Variants in MET observed in about 807,000 individuals in gnomAD.
MET encodes hepatocyte growth factor receptor.
Under a neutral mutation model 133.1 loss-of-function variants are expected in MET, and 48 were observed. That is an observed-to-expected ratio of 0.36 (90% CI 0.29 to 0.46). The LOEUF (loss-of-function observed/expected upper bound fraction) is 0.46, where lower values mean the gene tolerates loss of function less well. Ranked by LOEUF, MET falls within the 20% of genes least tolerant of loss-of-function variation. The pLI, the probability that MET is intolerant of heterozygous loss-of-function variation, is 1.00. For synonymous variants in MET, 628 were observed against 616.5 expected, an observed-to-expected ratio of 1.02 and a Z score of -0.28; for missense variants, 1,442 against 1,695.9, an observed-to-expected ratio of 0.85 and a Z score of 2.63.
chr7:116,756,819 A>T (rs140632871), intron 6 of MET, among the ~76,000 whole-genome samples: 46 of 152,340 alleles, frequency 3.0e-4, no homozygotes, highest in Non-Finnish European at 5.0e-4. Flanking sequence ...ATTATCCCCA[A>T]ATATTAATAT....
intron 3 of MET, 133 bp from the exon 4 acceptor site, chr7:116,739,817 G>T (rs1178852623): frequency 8.2e-7 from 1 of 1,217,656 alleles, no homozygotes; most frequent in African/African-American, 1.5e-5. Context: ...TACAATGAGG[G>T]GAACTGTTGG....
intron 19 of MET, among the ~76,000 whole-genome samples, chr7:116,791,787 C>T (rs1394565500): frequency 1.3e-5 from 2 of 152,256 alleles, no homozygotes; most frequent in East Asian, 1.9e-4. Flanking sequence ...ACCTCAGCCT[C>T]GCCAGTAGCT....
chr7:116,701,023 G>A (rs1177591481), intron 2 of MET, among the ~76,000 whole-genome samples: 1 of 152,070 alleles, frequency 6.6e-6, no homozygotes, highest in Non-Finnish European at 1.5e-5. Flanking sequence ...TTATTTATAA[G>A]CATAAATATT....
At chr7:116,722,576 T>G (rs1352263140) in intron 2 of MET, among the ~76,000 whole-genome samples, 28 of 151,864 alleles carry the variant, frequency 1.8e-4, no homozygotes, top group Non-Finnish European at 3.5e-4. Context: ...CTTCCTAGTC[T>G]CAATGGTCTT....
intron 3 of MET, among the ~76,000 whole-genome samples, chr7:116,738,156 G>GT (rs1157416855): frequency 6.6e-6 from 1 of 151,978 alleles, no homozygotes; most frequent in South Asian, 2.1e-4. Flanking sequence ...GAGAAAAGGA[G>GT]TTTTTTTGCT....
chr7:116,675,636 T>C (rs1035163860), intron 1 of MET, among the ~76,000 whole-genome samples: 5 of 152,162 alleles, frequency 3.3e-5, no homozygotes, highest in African/African-American at 9.7e-5. Flanking sequence ...CCATCAACTA[T>C]TGGAAACATT....
Position 116,795,675 on chromosome 7 carries a change from C to G in MET, c.3819C>G (p.Leu1273=), listed in dbSNP as rs367772588. Residue 1273 remains leucine, a synonymous_variant, in exon 20 of 21, where the codon CTC becomes CTG. Coordinates refer to ENST00000397752, the MANE Select transcript of MET (RefSeq NM_000245.4). ...ACTAGTGGTCCTTTGGCGTGCTCCT[C>G]TGGGAGCTGATGACAAGAGGAGCCC... ...KSDVWSFGVL[L]WELMTRGAPP... is the part of the protein sequence containing the mutation. 5 of 1,613,918 alleles carry G rather than the reference C, an allele frequency of 3.1e-6. No individual in the cohort carries two copies. In the African/African-American group the frequency reaches 6.7e-5, roughly 22 times the overall value.
chr7:116,719,279 C>T, intron 2 of MET, among the ~76,000 whole-genome samples: 4 of 148,112 alleles, frequency 2.7e-5, no homozygotes, highest in African/African-American at 1.0e-4. Context: ...TTTTTGGCTG[C>T]ATAAATGTCT....
intron 6 of MET, 113 bp from the exon 7 acceptor site, chr7:116,757,324 G>C (rs1794215154): frequency 1.2e-6 from 1 of 817,112 alleles, no homozygotes. Context: ...AACTCTGCTT[G>C]CTATTCAAAG....
Position 116,700,113 on chromosome 7 carries a change from C to T in MET, c.1029C>T (p.Phe343=), listed in dbSNP as rs56340719. Residue 343 remains phenylalanine (F), a synonymous_variant, in exon 2 of 21, where the codon TTC becomes TTT. Coordinates refer to ENST00000397752, the MANE Select transcript of MET (RefSeq NM_000245.4). The part of the protein sequence containing the change: ...IGASLNDDIL[F]GVFAQSKPDS... ...CCAGCCTGAATGATGACATTCTTTT[C>T]GGGGTGTTCGCACAAAGCAAGCCAG... 6.8e-6 allele frequency: 11 copies of T among 1,608,618 alleles called. No individual in the cohort carries two copies. The highest frequency in any genetic ancestry group is 2.2e-5 in the East Asian group (1 of 44,854).
chr7:116,676,733 G>A (rs901589784), intron 1 of MET, among the ~76,000 whole-genome samples: 4 of 152,152 alleles, frequency 2.6e-5, no homozygotes, highest in Non-Finnish European at 5.9e-5. Flanking sequence ...TGAGCCAGGC[G>A]CATATGAGGA....
In MET at chr7:116,780,492, C is replaced by T. The variant is rs1795125947; in HGVS notation, c.3523-1496C>T. Among the ~76,000 whole-genome samples the T allele has an allele frequency of 1.3e-5, 2 of 152,286 alleles. 1 individual carries two copies. Among genetic ancestry groups the T allele is most frequent in the South Asian group, 4.1e-4 (2 of 4,822 alleles). The stretch of plus-strand genomic sequence containing the variant: ...GACAGACCCCACTTTCCCACTTCAA[C>T]TTTTGTTATTACCCTGATGGATTAA... On this transcript the variant is annotated intron_variant, in intron 17 of 20. Coordinates refer to ENST00000397752, the MANE Select transcript of MET (RefSeq NM_000245.4).
intron 1 of MET, among the ~76,000 whole-genome samples, chr7:116,685,400 G>A (rs867418929): frequency 1.3e-5 from 2 of 152,198 alleles, no homozygotes; most frequent in South Asian, 2.1e-4. Context: ...ATGTCAGGCT[G>A]AGTGCAGTGG....
chr7:116,769,884 A>T lies in MET; in HGVS notation c.2730+93A>T, dbSNP rs776766309. 9 of 1,573,352 alleles carry T rather than the reference A, an allele frequency of 5.7e-6. No individual in the cohort carries two copies. In the South Asian group the frequency reaches 1.0e-4, roughly 18 times the overall value. Reference sequence around the variant, plus strand: ...TAAAATAAATCATTAAAGCTCATTTATGTGTGGGTTTTGGCTCATCAACTC... The same window carrying T: ...TAAAATAAATCATTAAAGCTCATTTTTGTGTGGGTTTTGGCTCATCAACTC... On this transcript the variant is annotated intron_variant, in intron 12 of 20. Transcript: ENST00000397752.
chr7:116,721,163 C>A (rs1291837610), intron 2 of MET, among the ~76,000 whole-genome samples: 3 of 152,260 alleles, frequency 2.0e-5, no homozygotes, highest in Non-Finnish European at 2.9e-5. Flanking sequence ...ACAATTTCAG[C>A]TCCTGTTATT....
rs2116604211 is a variant in MET, at chr7:116,700,131, C to G, written c.1047C>G (p.Ser349Arg). ...TTCTTTTCGGGGTGTTCGCACAAAG[C>G]AAGCCAGATTCTGCCGAACCAATGG... ...DDILFGVFAQSKPDSAEPMDR... is the reference protein window; with the variant it reads ...DDILFGVFAQRKPDSAEPMDR... Residue 349 changes from serine to arginine, a missense_variant, in exon 2 of 21, where the codon AGC becomes AGG. By Grantham distance (110) the Ser-to-Arg change is moderately radical. Coordinates refer to ENST00000397752, the MANE Select transcript of MET (RefSeq NM_000245.4). 6.2e-7 allele frequency: 1 copy of G among 1,601,982 alleles called. No individual in the cohort carries two copies. The highest frequency in any genetic ancestry group is 1.1e-5 in the South Asian group (1 of 88,618).
intron 1 of MET, among the ~76,000 whole-genome samples, chr7:116,675,277 G>C (rs901246074): frequency 6.6e-6 from 1 of 152,180 alleles, no homozygotes; most frequent in Admixed American, 6.5e-5. Flanking sequence ...TTAAAAGAAA[G>C]AAATGGAATC....
intron 2 of MET, among the ~76,000 whole-genome samples, chr7:116,730,211 T>C (rs1792949063): frequency 6.6e-6 from 1 of 152,110 alleles, no homozygotes; most frequent in Non-Finnish European, 1.5e-5. Context: ...GAAGGAGCAT[T>C]TCAAGCCGGG....
At chr7:116,728,796 A>G (rs531721598) in intron 2 of MET, among the ~76,000 whole-genome samples, 7 of 152,354 alleles carry the variant, frequency 4.6e-5, no homozygotes, top group Admixed American at 3.9e-4. Flanking sequence ...GTTTGTGGTC[A>G]AAGACTCTCA....
Sources: allele counts gnomAD v4.1 joint callset (sites outside exome capture counted in the v4.1 genomes callset), GRCh38; gene constraint gnomAD v4.1.1; transcripts MANE v1.5; gene names NCBI Gene and HGNC (gene_info 2026-07-23, HGNC 2026-07-21).